Variants in CAPN6 observed in about 807,000 individuals in gnomAD.
CAPN6 encodes calpain-6.
CAPN6 carries 16 observed loss-of-function variants against 46.0 expected under a neutral mutation model. The ratio of observed to expected loss-of-function variants is 0.35; its 90% CI spans 0.24 to 0.53. The LOEUF (loss-of-function observed/expected upper bound fraction) is 0.53. Among genes scored for constraint, CAPN6 ranks in the 20% least tolerant of loss-of-function variants. The pLI, the probability that CAPN6 is intolerant of heterozygous loss-of-function variation, is 0.94. For missense variants in CAPN6, 461 were observed against 498.0 expected (o/e 0.93, Z 0.71); for synonymous variants, 206 against 172.8 (o/e 1.19, Z -1.51).
chrX:111,247,626 C>T (rs2094975638), intron 11 of CAPN6, 122 bp from the exon 12 acceptor site: 4 of 748,293 alleles, frequency 5.3e-6, no homozygotes, highest in East Asian at 3.2e-5. Context: ...ACCAGAATGA[C>T]TGAGATTCAA....
intron 8 of CAPN6, 68 bp from the exon 9 acceptor site, chrX:111,249,125 A>C: frequency 1.8e-6 from 2 of 1,114,169 alleles, no homozygotes; most frequent in Non-Finnish European, 2.4e-6. Context: ...CTTAAATTTC[A>C]GGGAATAAAG....
In CAPN6 at chrX:111,248,944, C is replaced by T; in HGVS notation, c.1272G>A (p.Glu424=). 8.3e-7 allele frequency: 1 copy of T among 1,211,544 alleles called. No homozygotes were observed. Among genetic ancestry groups the T allele is most frequent in the Non-Finnish European group, 1.1e-6 (1 of 895,508 alleles). Reference sequence around the variant, plus strand: ...AAATGCCCATTTTTACCTTGAAGAGCTCAAAGCCAATGATGTAATTGTCAG... The same window carrying T: ...AAATGCCCATTTTTACCTTGAAGAGTTCAAAGCCAATGATGTAATTGTCAG... ...GRPDNYIIGF[E]LFKVEMNRKF... is the part of the protein sequence containing the mutation. The change falls in exon 9 of 13, where the codon GAG becomes GAA. Residue 424 remains glutamate, a synonymous_variant. Coordinates refer to ENST00000324068, the MANE Select transcript of CAPN6 (RefSeq NM_014289.4).
chrX:111,251,187 T>A (rs1338731162), intron 7 of CAPN6, 22 bp downstream of exon 7: 3 of 1,204,823 alleles, frequency 2.5e-6, no homozygotes, highest in Non-Finnish European at 3.4e-6. Context: ...CCAATTCCCT[T>A]AGTGCAGAAA....
At chrX:111,262,828 C>T (rs1182095582) in intron 2 of CAPN6, among the ~76,000 whole-genome samples, 1 of 111,897 alleles carries the variant, frequency 8.9e-6, no homozygotes, top group East Asian at 2.8e-4. Flanking sequence ...CACAGAGAAC[C>T]ACAACAACTA....
At chrX:111,268,274 A>G (rs766606655) in intron 1 of CAPN6, among the ~76,000 whole-genome samples, 1 of 112,563 alleles carries the variant, frequency 8.9e-6, no homozygotes, top group Non-Finnish European at 1.9e-5. Context: ...ATCAAAAAAT[A>G]AAAAGCAATT....
rs764021932 is a variant in CAPN6 at position 111,246,399 on chromosome X, T to A, written c.*178A>T. ...TGTCCAGCTGCTGGAGGTATATAGG[T>A]TATGTAGCTACAGATGCTACTTGGA... On this transcript the variant is annotated 3_prime_UTR_variant, in exon 13 of 13. Coordinates refer to ENST00000324068, the MANE Select transcript of CAPN6 (RefSeq NM_014289.4). The A allele has an allele frequency of 4.4e-6, 2 of 450,003 alleles. No individual in the cohort carries two copies. Among genetic ancestry groups the A allele is most frequent in the East Asian group, 7.5e-5 (2 of 26,666 alleles). The allele number at this position is 450,003 out of a possible 1,213,427, so 37.1% of individuals were successfully genotyped here.
In CAPN6 at chrX:111,246,316, C is replaced by T. The variant is rs1603408031; in HGVS notation, c.*261G>A. Reference sequence around the variant, plus strand: ...TACTTGAATCTCACCCCCGGAAGCCCCAGAGATCCTTTCTTGGCAAATGTG... The same window carrying T: ...TACTTGAATCTCACCCCCGGAAGCCTCAGAGATCCTTTCTTGGCAAATGTG... On this transcript the variant is annotated 3_prime_UTR_variant, in exon 13 of 13. Coordinates refer to ENST00000324068, the MANE Select transcript of CAPN6 (RefSeq NM_014289.4). The T allele has an allele frequency of 8.7e-6, 3 of 345,852 alleles. No homozygotes were observed. In the South Asian group the frequency reaches 2.0e-4, roughly 23 times the overall value. The allele number at this position is 345,852 out of a possible 1,213,427, so 28.5% of individuals were successfully genotyped here. A position where few individuals can be genotyped will look rare whatever the true frequency, so the allele number is the denominator to read the frequency against.
rs149453582 is a variant in CAPN6, at chrX:111,258,487, A to G, written c.166-4084T>C. Among the ~76,000 whole-genome samples the G allele has an allele frequency of 4.7e-3, 530 of 111,731 alleles. 5 individuals carry two copies. The highest frequency in any genetic ancestry group is 0.012 in the Admixed American group (132 of 10,565). On this transcript the variant is annotated intron_variant, in intron 2 of 12. Transcript: ENST00000324068. ...ACTGAGGGTTTTGTGAGCTAGTCCA[A>G]GTAGTCGTTATCTTACTTAGAAAAT... is the stretch of plus-strand genomic sequence containing the variant.
intron 2 of CAPN6, among the ~76,000 whole-genome samples, chrX:111,254,626 A>G (rs2094982384): frequency 1.8e-5 from 2 of 111,539 alleles, no homozygotes; most frequent in African/African-American, 6.5e-5. Flanking sequence ...AGGAGAAATG[A>G]AAGGAGAGGG....
intron 10 of CAPN6, among the ~76,000 whole-genome samples, 162 bp downstream of exon 10, chrX:111,248,407 C>T (rs1051273019): frequency 8.9e-6 from 1 of 112,453 alleles, no homozygotes; most frequent in Non-Finnish European, 1.9e-5. Context: ...TTCCCCCAAC[C>T]ACCCTTTGAG....
intron 2 of CAPN6, among the ~76,000 whole-genome samples, chrX:111,260,319 C>A (rs2094986962): frequency 8.9e-6 from 1 of 112,908 alleles, no homozygotes; most frequent in African/African-American, 3.2e-5. Context: ...TGACTGGAGT[C>A]AGTTTGTTAA....
chrX:111,264,694 G>A (rs1342333790), intron 1 of CAPN6, among the ~76,000 whole-genome samples: 1 of 100,997 alleles, frequency 9.9e-6, no homozygotes, highest in Non-Finnish European at 1.9e-5. Flanking sequence ...ATACACTCTT[G>A]CTTTCTTTTC....
At chrX:111,250,280 C>T (rs780578736) in intron 8 of CAPN6, among the ~76,000 whole-genome samples, 12 of 111,523 alleles carry the variant, frequency 1.1e-4, no homozygotes, top group Non-Finnish European at 1.7e-4. Flanking sequence ...TGAGATGAAA[C>T]CATCCAGGTT....
intron 2 of CAPN6, among the ~76,000 whole-genome samples, chrX:111,262,016 G>A (rs1777992317): frequency 9.0e-6 from 1 of 111,263 alleles, no homozygotes; most frequent in South Asian, 3.8e-4. Flanking sequence ...CAGAAAAGAG[G>A]GATGCCCCTT....
chrX:111,256,848 C>G (rs893676112), intron 2 of CAPN6, among the ~76,000 whole-genome samples: 4 of 74,403 alleles, frequency 5.4e-5, no homozygotes, highest in Non-Finnish European at 8.5e-5. Context: ...ATTTGGGACC[C>G]CCCCCCCCAC....
At chrX:111,261,419 G>A (rs1202187273) in intron 2 of CAPN6, among the ~76,000 whole-genome samples, 1 of 112,188 alleles carries the variant, frequency 8.9e-6, no homozygotes, top group African/African-American at 3.2e-5. Flanking sequence ...GGTAAATAAG[G>A]GTGAAGTAAA....
At position 111,245,137 on chromosome X, in the gene CAPN6, ATGTAAGGCAG is replaced by A. The variant is rs1437109957; in HGVS notation, c.*1430_*1439del. On this transcript the variant is annotated 3_prime_UTR_variant, in exon 13 of 13. Coordinates refer to ENST00000324068, the MANE Select transcript of CAPN6 (RefSeq NM_014289.4). ...TATGAACTTTATTGTGATTTGGTTT[ATGTAAGGCAG>A]TGTAGTGAAGGCACTGCAGAAGTTA... 8.9e-6 allele frequency: 1 copy of A among 112,733 alleles called. No homozygotes were observed. Among genetic ancestry groups the A allele is most frequent in the African/African-American group, 3.2e-5 (1 of 30,892 alleles). The allele number at this position is 112,733 out of a possible 1,213,427, so 9.3% of individuals were successfully genotyped here. A position where few individuals can be genotyped will look rare whatever the true frequency, so the allele number is the denominator to read the frequency against.
intron 2 of CAPN6, among the ~76,000 whole-genome samples, chrX:111,255,523 C>T (rs761333188): frequency 1.8e-5 from 2 of 113,051 alleles, no homozygotes; most frequent in East Asian, 2.8e-4. Context: ...AGGCCATTGG[C>T]CGGTACCTTG....
intron 2 of CAPN6, among the ~76,000 whole-genome samples, chrX:111,259,717 T>C (rs1440712132): frequency 8.0e-5 from 9 of 112,146 alleles, no homozygotes; most frequent in Admixed American, 3.8e-4. Context: ...GCAGGTGCCC[T>C]TTTTTCCTCA....
Sources: gnomAD v4.1 joint callset for allele counts (sites outside exome capture counted in the v4.1 genomes callset) on GRCh38, gnomAD v4.1.1 for gene constraint, MANE v1.5 for transcripts, NCBI Gene and HGNC (gene_info 2026-07-23, HGNC 2026-07-21) for gene names.